Variants in RGL1 observed in about 807,000 individuals in gnomAD.
RGL1 encodes ral guanine nucleotide dissociation stimulator like 1, also known as ral guanine nucleotide dissociation stimulator-like 1.
In RGL1, 24 loss-of-function variants were observed where a neutral mutation model predicts 95.2. The observed-to-expected ratio is 0.25, with a 90% CI of 0.18 to 0.35. RGL1 has a LOEUF of 0.35. RGL1 is among the 10% of genes least tolerant of loss of function. The probability of loss-of-function intolerance (pLI) is 1.00; values close to 1 mark genes in which losing one functional copy is unlikely to be tolerated. For missense variants in RGL1, 715 were observed against 936.3 expected, an observed-to-expected ratio of 0.76 and a Z score of 3.08; for synonymous variants, 329 against 344.9, an observed-to-expected ratio of 0.95 and a Z score of 0.51.
chr1:183,889,348 G>T (rs1417578099), intron 8 of RGL1, among the ~76,000 whole-genome samples: 1 of 152,182 alleles, frequency 6.6e-6, no homozygotes, highest in East Asian at 1.9e-4. Context: ...GCCCAGGTTT[G>T]AACTAGTCAG....
intron 1 of RGL1, among the ~76,000 whole-genome samples, chr1:183,672,778 A>G (rs1321877285): frequency 6.6e-6 from 1 of 152,160 alleles, no homozygotes; most frequent in African/African-American, 2.4e-5. Context: ...ACTCTTGCTT[A>G]CCTGGATTGC....
At chr1:183,868,854 G>T (rs542120260) in intron 4 of RGL1, among the ~76,000 whole-genome samples, 1 of 152,214 alleles carries the variant, frequency 6.6e-6, no homozygotes, top group African/African-American at 2.4e-5. Flanking sequence ...GGTGGCTCAT[G>T]CCTGTAATCC....
At chr1:183,779,896 T>C (rs1037769395) in intron 2 of RGL1, among the ~76,000 whole-genome samples, 2 of 152,168 alleles carry the variant, frequency 1.3e-5, no homozygotes, top group Non-Finnish European at 2.9e-5. Flanking sequence ...AAGAATGTAT[T>C]TGTGAAGGAG....
chr1:183,715,061 G>T (rs548447322), intron 1 of RGL1, among the ~76,000 whole-genome samples: 36 of 152,198 alleles, frequency 2.4e-4, no homozygotes, highest in Middle Eastern at 3.4e-3. Flanking sequence ...AGGAAACCGG[G>T]GCTTAGAAAG....
intron 8 of RGL1, among the ~76,000 whole-genome samples, chr1:183,889,305 A>C (rs981408732): frequency 6.6e-6 from 1 of 152,184 alleles, no homozygotes; most frequent in Admixed American, 6.5e-5. Context: ...TTGTGTCATG[A>C]GTACAACTAG....
At chr1:183,795,399 G>C (rs1353976268) in intron 2 of RGL1, among the ~76,000 whole-genome samples, 1 of 152,236 alleles carries the variant, frequency 6.6e-6, no homozygotes, top group African/African-American at 2.4e-5. Context: ...GCTACAAAGA[G>C]AGGAATATGG....
At chr1:183,670,670 G>A (rs1299578220) in intron 1 of RGL1, among the ~76,000 whole-genome samples, 4 of 152,166 alleles carry the variant, frequency 2.6e-5, no homozygotes, top group Non-Finnish European at 5.9e-5. Flanking sequence ...TGGGGCAGTG[G>A]TTTGTCCTAT....
At chr1:183,795,266 T>C (rs1168863284) in intron 2 of RGL1, among the ~76,000 whole-genome samples, 5 of 152,176 alleles carry the variant, frequency 3.3e-5, no homozygotes, top group Admixed American at 3.3e-4. Flanking sequence ...AGAAATACAG[T>C]GATGAGAAAA....
intron 3 of RGL1, among the ~76,000 whole-genome samples, chr1:183,857,237 A>G (rs1558252465): frequency 6.6e-6 from 1 of 152,202 alleles, no homozygotes; most frequent in Non-Finnish European, 1.5e-5. Flanking sequence ...GCCTTGAGCC[A>G]AAGAATGCAG....
At chr1:183,815,561 G>A (rs1662029475) in intron 2 of RGL1, among the ~76,000 whole-genome samples, 1 of 152,166 alleles carries the variant, frequency 6.6e-6, no homozygotes, top group African/African-American at 2.4e-5. Context: ...TCATTTTCAG[G>A]GGTATGTTCA....
At chr1:183,812,379 A>G (rs1394898951) in intron 2 of RGL1, among the ~76,000 whole-genome samples, 1 of 152,192 alleles carries the variant, frequency 6.6e-6, no homozygotes, top group Non-Finnish European at 1.5e-5. Flanking sequence ...GTCATTTGCT[A>G]GTAAACACAT....
At chr1:183,749,744 A>T (rs1489707946) in intron 2 of RGL1, among the ~76,000 whole-genome samples, 1 of 152,160 alleles carries the variant, frequency 6.6e-6, no homozygotes, top group African/African-American at 2.4e-5. Context: ...GAGCTCTTGT[A>T]AGGGAGGCCT....
chr1:183,855,156 A>G (rs967475595), intron 3 of RGL1, among the ~76,000 whole-genome samples: 4 of 152,188 alleles, frequency 2.6e-5, no homozygotes, highest in African/African-American at 7.2e-5. Context: ...GTGTTTTGGA[A>G]GGTCCAGCAG....
chr1:183,667,244 CA>C (rs557505675), intron 1 of RGL1, among the ~76,000 whole-genome samples: 8 of 151,330 alleles, frequency 5.3e-5, no homozygotes, highest in Non-Finnish European at 1.5e-5. Flanking sequence ...TTTTAAACAA[CA>C]TATAGCCAGG....
intron 2 of RGL1, among the ~76,000 whole-genome samples, chr1:183,806,929 G>T (rs1661385437): frequency 6.6e-6 from 1 of 152,130 alleles, no homozygotes; most frequent in African/African-American, 2.4e-5. Flanking sequence ...AGGAGACAGA[G>T]CATTCCAAGT....
intron 2 of RGL1, among the ~76,000 whole-genome samples, chr1:183,770,439 A>C (rs947780924): frequency 1.3e-5 from 2 of 152,130 alleles, no homozygotes; most frequent in Admixed American, 6.5e-5. Context: ...GGGAACCAAA[A>C]TCTGTTACCA....
chr1:183,879,487 G>A (rs1435596857), intron 4 of RGL1, among the ~76,000 whole-genome samples: 1 of 152,194 alleles, frequency 6.6e-6, no homozygotes, highest in African/African-American at 2.4e-5. Flanking sequence ...ATTTTAAAAT[G>A]TGCTAAAAAA....
chr1:183,845,636 G>A (rs1169056106), intron 2 of RGL1, among the ~76,000 whole-genome samples: 2 of 152,176 alleles, frequency 1.3e-5, no homozygotes, highest in African/African-American at 4.8e-5. Context: ...TAACCCAGTG[G>A]TGCTTGGTAC....
At chr1:183,733,289 C>G (rs192268999) in intron 1 of RGL1, among the ~76,000 whole-genome samples, 43 of 152,194 alleles carry the variant, frequency 2.8e-4, no homozygotes, top group African/African-American at 1.0e-3. Context: ...ATGTCAAGCT[C>G]AAGTCTTTGG....
Sources: gnomAD v4.1 joint callset for allele counts (sites outside exome capture counted in the v4.1 genomes callset) on GRCh38, gnomAD v4.1.1 for gene constraint, MANE v1.5 for transcripts, NCBI Gene and HGNC (gene_info 2026-07-23, HGNC 2026-07-21) for gene names.